The following HGF variants were observed in gnomAD, a reference collection of about 807,000 sequenced individuals.
The protein encoded by HGF is hepatocyte growth factor, also known as fibroblast-derived tumor cytotoxic factor.
In HGF, 39 loss-of-function variants were observed where a neutral mutation model predicts 111.6. The ratio of observed to expected loss-of-function variants is 0.35; its 90% CI spans 0.27 to 0.46. The LOEUF is 0.46. Among genes scored for constraint, HGF ranks in the 20% least tolerant of loss-of-function variants. The pLI, the probability that HGF is intolerant of heterozygous loss-of-function variation, is 1.00. For missense variants in HGF, 735 were observed against 910.5 expected, an observed-to-expected ratio of 0.81 and a Z score of 2.48; for synonymous variants, 285 against 294.8, an observed-to-expected ratio of 0.97 and a Z score of 0.34.
chr7:81,763,080 A>C, intron 1 of HGF: 2 of 549,814 alleles, frequency 3.6e-6, no homozygotes, highest in Non-Finnish European at 6.4e-6. Context: ...ATAACTTGTC[A>C]TGTAGAGTCA....
At position 81,720,971 on chromosome 7, in the gene HGF, T is replaced by C. The variant is rs368239040; in HGVS notation, c.1169-124A>G. On this transcript the variant is annotated intron_variant, in intron 9 of 17. Coordinates refer to ENST00000222390, the MANE Select transcript of HGF (RefSeq NM_000601.6). ...AATTAAAGTACTTGAAAGGGCTGGG[T>C]GCGGTGGCTCACGCCTGTAATCCCA... 240 of 675,330 alleles carry C rather than the reference T, an allele frequency of 3.6e-4. 1 individual carries two copies. Among genetic ancestry groups the C allele is most frequent in the Middle Eastern group, 2.0e-3 (5 of 2,500 alleles). The allele number at this position is 675,330 out of a possible 1,614,324, so 41.8% of individuals were successfully genotyped here.
intron 1 of HGF, among the ~76,000 whole-genome samples, chr7:81,764,423 G>T (rs142099437): frequency 6.6e-6 from 1 of 152,136 alleles, no homozygotes; most frequent in Admixed American, 6.5e-5. Context: ...AATGGCTATG[G>T]TACAACAGAT....
rs1437379556 is a variant in HGF, at chr7:81,710,248, A to C, written c.1445-5T>G. On this transcript the variant is annotated splice_polypyrimidine_tract_variant and splice_region_variant and intron_variant, in intron 12 of 17. Transcript: ENST00000222390. ...TGGCACAAGATATTACGGGATCTGA[A>C]ACAGGACCAAACATAACATTTTTTA... The C allele has an allele frequency of 6.3e-7, 1 of 1,581,408 alleles. No individual in the cohort carries two copies. Among genetic ancestry groups the C allele is most frequent in the Non-Finnish European group, 8.7e-7 (1 of 1,150,360 alleles).
chr7:81,738,605 G>C (rs1456026303), intron 7 of HGF, among the ~76,000 whole-genome samples: 1 of 152,152 alleles, frequency 6.6e-6, no homozygotes, highest in Non-Finnish European at 1.5e-5. Context: ...GTGATACATT[G>C]ATTGTAACAT....
chr7:81,737,318 A>C (rs1396643057), intron 7 of HGF, among the ~76,000 whole-genome samples: 1 of 152,014 alleles, frequency 6.6e-6, no homozygotes, highest in Non-Finnish European at 1.5e-5. Flanking sequence ...AGAAGAGGCG[A>C]GTTTCTGGTG....
intron 10 of HGF, among the ~76,000 whole-genome samples, chr7:81,720,220 C>G (rs1789817522): frequency 6.6e-6 from 1 of 152,068 alleles, no homozygotes; most frequent in South Asian, 2.1e-4. Context: ...TGTATCAAAG[C>G]TACATAAGGA....
At chr7:81,763,261 C>G (rs1789190744) in intron 1 of HGF, among the ~76,000 whole-genome samples, 1 of 152,032 alleles carries the variant, frequency 6.6e-6, no homozygotes, top group Non-Finnish European at 1.5e-5. Flanking sequence ...ACAATTGGTC[C>G]TCATATACGT....
At chr7:81,763,479 A>C (rs1294818254) in intron 1 of HGF, among the ~76,000 whole-genome samples, 1 of 152,146 alleles carries the variant, frequency 6.6e-6, no homozygotes, top group Admixed American at 6.5e-5. Flanking sequence ...TCTTGAGATC[A>C]AGCCAAATGC....
In HGF at chr7:81,748,405, G is replaced by A. The variant is rs1034836766; in HGVS notation, c.626-3285C>T. ...GCTGAAAAGTTGGCTGTTTTACCAC[G>A]GAATCAAGCCATCAAGTTAGTCATA... On this transcript the variant is annotated intron_variant, in intron 5 of 17. Coordinates refer to ENST00000222390, the MANE Select transcript of HGF (RefSeq NM_000601.6). 3.9e-5 allele frequency among the ~76,000 whole-genome samples: 6 copies of A among 152,096 alleles called. 1 individual carries two copies. The South Asian group carries it at 6.2e-4, about 16-fold the overall frequency.
chr7:81,742,968 T>C, intron 7 of HGF: 1 of 1,611,224 alleles, frequency 6.2e-7, no homozygotes, highest in Non-Finnish European at 8.5e-7. Context: ...GAAAGGTAGG[T>C]AAAGGATACA....
At chr7:81,742,966 G>C (rs779323771) in intron 7 of HGF, 2 of 1,611,498 alleles carry the variant, frequency 1.2e-6, no homozygotes, top group African/African-American at 2.7e-5. Flanking sequence ...AGGAAAGGTA[G>C]GTAAAGGATA....
chr7:81,711,422 C>T (rs1277296949), intron 12 of HGF, 59 bp downstream of exon 12: 19 of 871,106 alleles, frequency 2.2e-5, no homozygotes, highest in Non-Finnish European at 3.2e-5. Context: ...GAAATAATGA[C>T]ACTTCTGACA....
intron 7 of HGF, chr7:81,742,785 G>GA: frequency 6.5e-7 from 1 of 1,538,360 alleles, no homozygotes; most frequent in African/African-American, 1.4e-5. Flanking sequence ...AAGACAGATC[G>GA]AAACAGAATG....
intron 5 of HGF, among the ~76,000 whole-genome samples, chr7:81,746,332 A>T (rs887434227): frequency 1.3e-5 from 2 of 152,060 alleles, no homozygotes; most frequent in Non-Finnish European, 2.9e-5. Context: ...CCCAATAAGC[A>T]CCTGAACTGT....
chr7:81,713,990 G>A (rs1410936614), intron 11 of HGF, among the ~76,000 whole-genome samples: 3 of 9,738 alleles, frequency 3.1e-4, no homozygotes, highest in African/African-American at 7.9e-4. Flanking sequence ...GTGTGTGTGC[G>A]TGTGTGTGTG....
At chr7:81,754,856 A>G (rs904185471) in intron 4 of HGF, among the ~76,000 whole-genome samples, 10 of 152,220 alleles carry the variant, frequency 6.6e-5, no homozygotes, top group African/African-American at 2.2e-4. Context: ...ATGAGAACCC[A>G]TTACACACAA....
chr7:81,722,674 T>G (rs1789895418), intron 9 of HGF, among the ~76,000 whole-genome samples: 1 of 150,012 alleles, frequency 6.7e-6, no homozygotes, highest in Non-Finnish European at 1.5e-5. Context: ...ATTAGCTGGG[T>G]GTGGTGGCGT....
At chr7:81,718,546 C>T (rs988043358) in intron 10 of HGF, among the ~76,000 whole-genome samples, 1 of 152,172 alleles carries the variant, frequency 6.6e-6, no homozygotes, top group African/African-American at 2.4e-5. Flanking sequence ...GTGACTTAAT[C>T]CTTGATCAAT....
In HGF at chr7:81,763,128, A is replaced by G. The variant is rs190264084; in HGVS notation, c.89-256T>C. The G allele has an allele frequency of 8.4e-5, 39 of 462,368 alleles. No individual in the cohort carries two copies. In the East Asian group the frequency reaches 1.5e-3, roughly 18 times the overall value. 28.6% of individuals were successfully genotyped at this position (462,368 alleles called of 1,614,324 possible). A position where few individuals can be genotyped will look rare whatever the true frequency, so the allele number is the denominator to read the frequency against. ...CTTTCAAATTAAGGAGCTTTTAAAA[A>G]TCAGGACAGAGTTCACACTAAAGAA... is the stretch of plus-strand genomic sequence containing the variant. On this transcript the variant is annotated intron_variant, in intron 1 of 17. Transcript: ENST00000222390.
Sources: gnomAD v4.1 joint callset for allele counts (sites outside exome capture counted in the v4.1 genomes callset) on GRCh38, gnomAD v4.1.1 for gene constraint, MANE v1.5 for transcripts, NCBI Gene and HGNC (gene_info 2026-07-23, HGNC 2026-07-21) for gene names.